IL1RAPL1: variants seen among roughly 807,000 people sequenced by gnomAD.
The protein encoded by IL1RAPL1 is interleukin-1 receptor accessory protein-like 1.
IL1RAPL1 carries 3 observed loss-of-function variants against 48.4 expected under a neutral mutation model. The observed-to-expected ratio is 0.06, with a 90% CI of 0.03 to 0.16. IL1RAPL1 has a LOEUF of 0.16. Among genes scored for constraint, IL1RAPL1 ranks in the 10% least tolerant of loss-of-function variants. The probability of loss-of-function intolerance (pLI) is 1.00; values close to 1 mark genes in which losing one functional copy is unlikely to be tolerated. For missense variants in IL1RAPL1, 349 were observed against 530.6 expected, an observed-to-expected ratio of 0.66 and a Z score of 3.36; for synonymous variants, 185 against 187.7, an observed-to-expected ratio of 0.99 and a Z score of 0.12.
intron 5 of IL1RAPL1, among the ~76,000 whole-genome samples, chrX:29,450,136 C>G (rs1314335341): frequency 1.8e-5 from 2 of 111,486 alleles, no homozygotes; most frequent in Non-Finnish European, 3.8e-5. Context: ...TAAGGCCTGA[C>G]AAATATAAGT....
chrX:28,820,626 A>C (rs185965332), intron 2 of IL1RAPL1, among the ~76,000 whole-genome samples: 27 of 111,795 alleles, frequency 2.4e-4, no homozygotes, highest in Non-Finnish European at 3.8e-4. Context: ...GTTTCAACTT[A>C]AGAAATTAGA....
chrX:29,749,287 T>C (rs1026873556), intron 6 of IL1RAPL1, among the ~76,000 whole-genome samples: 2 of 112,181 alleles, frequency 1.8e-5, no homozygotes, highest in Non-Finnish European at 3.8e-5. Context: ...CAATGAAATA[T>C]ATTGGCTTTA....
intron 2 of IL1RAPL1, among the ~76,000 whole-genome samples, chrX:29,115,121 AT>A (rs1331072254): frequency 1.7e-4 from 19 of 111,939 alleles, no homozygotes; most frequent in Non-Finnish European, 1.9e-5. Context: ...AAATTTTCAA[AT>A]GTATTTTCAG....
intron 8 of IL1RAPL1, among the ~76,000 whole-genome samples, chrX:29,938,039 C>T (rs1169020704): frequency 9.0e-6 from 1 of 111,320 alleles, no homozygotes; most frequent in Non-Finnish European, 1.9e-5. Flanking sequence ...CTACATCAAC[C>T]CTGCTCTCTT....
At chrX:29,466,887 A>T (rs750988551) in intron 5 of IL1RAPL1, among the ~76,000 whole-genome samples, 1 of 111,638 alleles carries the variant, frequency 9.0e-6, no homozygotes, top group African/African-American at 3.3e-5. Context: ...CTTGACCTAG[A>T]GTAGTATTTC....
intron 5 of IL1RAPL1, among the ~76,000 whole-genome samples, chrX:29,633,556 C>T (rs1258307349): frequency 9.1e-6 from 1 of 110,116 alleles, no homozygotes; most frequent in Non-Finnish European, 1.9e-5. Context: ...ATTAGTTTCC[C>T]AGGGCTGCTG....
At chrX:29,788,933 T>A (rs1195280674) in intron 6 of IL1RAPL1, among the ~76,000 whole-genome samples, 1 of 111,680 alleles carries the variant, frequency 9.0e-6, no homozygotes, top group African/African-American at 3.3e-5. Context: ...GATAAACTTG[T>A]CATAATTAAC....
intron 5 of IL1RAPL1, among the ~76,000 whole-genome samples, chrX:29,402,529 G>GA (rs1934007122): frequency 8.9e-6 from 1 of 111,771 alleles, no homozygotes; most frequent in Admixed American, 9.5e-5. Flanking sequence ...TAGATTTACA[G>GA]AAAAAACATA....
intron 8 of IL1RAPL1, among the ~76,000 whole-genome samples, chrX:29,936,336 G>A (rs1307681514): frequency 1.8e-5 from 2 of 110,234 alleles, no homozygotes; most frequent in African/African-American, 3.3e-5. Flanking sequence ...GAATAAACTG[G>A]GATCATTATA....
intron 5 of IL1RAPL1, among the ~76,000 whole-genome samples, chrX:29,488,116 TA>T (rs1442103067): frequency 2.7e-5 from 3 of 111,805 alleles, no homozygotes; most frequent in African/African-American, 9.8e-5. Flanking sequence ...CATCAGAGTA[TA>T]GGCCTTACTG....
At chrX:29,380,959 G>A (rs1031801499) in intron 3 of IL1RAPL1, among the ~76,000 whole-genome samples, 1 of 112,258 alleles carries the variant, frequency 8.9e-6, no homozygotes, top group African/African-American at 3.2e-5. Context: ...TATTGAGCCA[G>A]TGAAACTATT....
At chrX:28,839,357 T>G (rs755324805) in intron 2 of IL1RAPL1, among the ~76,000 whole-genome samples, 28 of 110,574 alleles carry the variant, frequency 2.5e-4, no homozygotes, top group Non-Finnish European at 4.6e-4. Flanking sequence ...TTACCTATGT[T>G]TTTTCTTATA....
intron 5 of IL1RAPL1, among the ~76,000 whole-genome samples, chrX:29,505,447 T>G (rs940580897): frequency 3.6e-5 from 4 of 111,932 alleles, no homozygotes; most frequent in African/African-American, 9.7e-5. Context: ...TGGTTAATTC[T>G]CTCAACTTTT....
intron 9 of IL1RAPL1, among the ~76,000 whole-genome samples, chrX:29,950,073 G>C (rs1933285818): frequency 8.9e-6 from 1 of 111,781 alleles, no homozygotes; most frequent in Non-Finnish European, 1.9e-5. Context: ...TTTGAGGATG[G>C]TGCTGCAGAT....
At chrX:28,841,563 A>G (rs1452274721) in intron 2 of IL1RAPL1, among the ~76,000 whole-genome samples, 1 of 110,912 alleles carries the variant, frequency 9.0e-6, no homozygotes, top group African/African-American at 3.3e-5. Context: ...TTTTAATATA[A>G]ATTTAAAAAG....
chrX:29,446,593 A>G (rs1364266650), intron 5 of IL1RAPL1, among the ~76,000 whole-genome samples: 2 of 112,063 alleles, frequency 1.8e-5, no homozygotes, highest in Non-Finnish European at 3.8e-5. Context: ...AACACATACC[A>G]TGATGTCAGG....
intron 2 of IL1RAPL1, among the ~76,000 whole-genome samples, chrX:28,932,041 CA>C (rs769372435): frequency 9.3e-5 from 9 of 97,133 alleles, no homozygotes; most frequent in Middle Eastern, 5.4e-3. Flanking sequence ...GACTCCATCT[CA>C]AAAAAAAAAT....
In IL1RAPL1 at chrX:28,668,406, A is replaced by C. The variant is rs778270476; in HGVS notation, c.-25+80359A>C. ...CCAGAGTAGCTGGTATTACAGGCAC[A>C]CACCACCATACCCGGCTAATTTTTT... is the stretch of plus-strand genomic sequence containing the variant. On this transcript the variant is annotated intron_variant, in intron 1 of 10. Transcript: ENST00000378993. Among the ~76,000 whole-genome samples the C allele has an allele frequency of 6.2e-3, 688 of 111,826 alleles. 10 individuals carry two copies. The highest frequency in any genetic ancestry group is 0.022 in the African/African-American group (670 of 30,835).
chrX:28,912,865 A>G (rs1923394308), intron 2 of IL1RAPL1, among the ~76,000 whole-genome samples: 1 of 112,016 alleles, frequency 8.9e-6, no homozygotes, highest in Non-Finnish European at 1.9e-5. Context: ...TCAGTTTAAA[A>G]AAATGGAATC....
Sources: allele counts gnomAD v4.1 joint callset (sites outside exome capture counted in the v4.1 genomes callset), GRCh38; gene constraint gnomAD v4.1.1; transcripts MANE v1.5; gene names NCBI Gene and HGNC (gene_info 2026-07-23, HGNC 2026-07-21).